Variants in RAG1 observed in about 807,000 individuals in gnomAD.
RAG1 encodes the protein V(D)J recombination-activating protein 1.
A neutral mutation model predicts 62.7 loss-of-function variants in RAG1; 35 were observed. That is an observed-to-expected ratio of 0.56 (90% confidence interval 0.43 to 0.74). The LOEUF is 0.74. Ranked by LOEUF, RAG1 falls within the 30% of genes least tolerant of loss-of-function variation. RAG1 has a pLI of 0.00. For missense variants in RAG1, 1,169 were observed against 1,278.6 expected, an observed-to-expected ratio of 0.91 and a Z score of 1.31; for synonymous variants, 461 against 470.3, an observed-to-expected ratio of 0.98 and a Z score of 0.26.
At chr11:36,529,158 C>T (rs912545629) in intron 2 of RAG1, among the ~76,000 whole-genome samples, 8 of 152,130 alleles carry the variant, frequency 5.3e-5, no homozygotes, top group African/African-American at 1.7e-4. Context: ...CAGCATCATC[C>T]TGATACCAAA....
chr11:36,576,368 C>T lies in RAG1; in HGVS notation c.3064C>T (p.Gln1022Ter). The T allele has an allele frequency of 1.2e-6, 2 of 1,614,074 alleles. No individual in the cohort carries two copies. Among genetic ancestry groups the T allele is most frequent in the Non-Finnish European group, 1.7e-6 (2 of 1,179,944 alleles). ...LKTSGFTMNP[Q>*]ASLGDPLGIE... ...AACCTCTGGGTTTACCATGAACCCT[C>T]AGGCAAGCTTAGGGGACCCATTAGG... The change falls in exon 2 of 2, where the codon CAG becomes TAG. Residue 1022 changes from glutamine to a stop codon, truncating the protein, a stop_gained. Coordinates refer to ENST00000299440, the MANE Select transcript of RAG1 (RefSeq NM_000448.3). LOFTEE classifies it high-confidence loss of function.
At position 36,574,192 on chromosome 11, in the gene RAG1, T is replaced by C; in HGVS notation, c.888T>C (p.Cys296=). The change falls in exon 2 of 2, where the codon TGT becomes TGC. Residue 296 remains cysteine, a synonymous_variant. Transcript: ENST00000299440. ...TGAAATCCATCTCCTGCCAGATCTGTGAACACATTCTGGCTGACCCTGTGG... is the reference window on the plus strand; with the variant it reads ...TGAAATCCATCTCCTGCCAGATCTGCGAACACATTCTGGCTGACCCTGTGG... ...HFVKSISCQI[C]EHILADPVET... is the part of the protein sequence containing the mutation. The C allele has an allele frequency of 6.2e-7, 1 of 1,614,210 alleles. No individual in the cohort carries two copies. The highest frequency in any genetic ancestry group is 8.5e-7 in the Non-Finnish European group (1 of 1,180,024).
chr11:36,530,741 T>C (rs1048882731), intron 2 of RAG1, among the ~76,000 whole-genome samples: 4 of 151,996 alleles, frequency 2.6e-5, no homozygotes, highest in Non-Finnish European at 5.9e-5. Flanking sequence ...TGGTTTTTCT[T>C]GATATATTTT....
chr11:36,550,234 C>T (rs1850463214), intron 3 of RAG1, among the ~76,000 whole-genome samples: 1 of 152,080 alleles, frequency 6.6e-6, no homozygotes, highest in African/African-American at 2.4e-5. Context: ...GGATGTCCTG[C>T]ACATGTATCC....
At chr11:36,562,480 G>C (rs149576629) in intron 3 of RAG1, among the ~76,000 whole-genome samples, 2 of 152,162 alleles carry the variant, frequency 1.3e-5, no homozygotes, top group Non-Finnish European at 2.9e-5. Context: ...GTTGCAAGAG[G>C]TGGGGCTAGA....
Position 36,532,310 on chromosome 11 carries a change from A to G in RAG1, n.429-3649A>G, listed in dbSNP as rs1440991442. On this transcript the variant is annotated intron_variant and non_coding_transcript_variant, in intron 2 of 2. Coordinates refer to the RAG1 transcript ENST00000529126. ...ATTCCAGTCTGTCTGGAATATTTTT[A>G]TGTGTTTTGTGGGAAGTATTATATG... 2.6e-5 allele frequency among the ~76,000 whole-genome samples: 4 copies of G among 152,126 alleles called. No homozygotes were observed. The East Asian group carries it at 7.7e-4, about 29-fold the overall frequency.
chr11:36,523,977 TC>T (rs1435118406), intron 2 of RAG1, among the ~76,000 whole-genome samples: 1 of 152,196 alleles, frequency 6.6e-6, no homozygotes, highest in Non-Finnish European at 1.5e-5. Flanking sequence ...TCCTCCTCTA[TC>T]CACCTTTAAA....
downstream of RAG1, among the ~76,000 whole-genome samples, chr11:36,540,444 A>G (rs6484863): frequency 0.98 from 148,978 of 152,192 alleles, 72,985 homozygotes; most frequent in Non-Finnish European, 1. Flanking sequence ...TCTCTCTGTC[A>G]TCCAGGCTGG....
chr11:36,520,960 C>CTTTT (rs36066366), intron 2 of RAG1, among the ~76,000 whole-genome samples: 1 of 133,670 alleles, frequency 7.5e-6, no homozygotes, highest in Non-Finnish European at 1.6e-5. Flanking sequence ...CAAATCTCAT[C>CTTTT]TTTTTTTTTT....
chr11:36,561,295 C>T lies in RAG1; in HGVS notation c.-411-2090C>T, dbSNP rs116426074. Among the ~76,000 whole-genome samples the T allele has an allele frequency of 9.5e-4, 144 of 152,270 alleles. 1 individual carries two copies. Among genetic ancestry groups the T allele is most frequent in the African/African-American group, 3.2e-3 (134 of 41,554 alleles). On this transcript the variant is annotated intron_variant and NMD_transcript_variant, in intron 3 of 9. Coordinates refer to the RAG1 transcript ENST00000534663. ...TAGGCAGATGGGTGAGCATGGTCTC[C>T]TACAACTTCCTTTTCCCTGGAATTC...
rs201528822 is a variant in RAG1 at position 36,546,610 on chromosome 11, C to A, written c.-412+10576C>A. ...TAATATTGTTATGTGTGAATTTGATCCTGTCATTTTGATGCTAGCTGGTTA... is the reference window on the plus strand; with the variant it reads ...TAATATTGTTATGTGTGAATTTGATACTGTCATTTTGATGCTAGCTGGTTA... On this transcript the variant is annotated intron_variant and NMD_transcript_variant, in intron 3 of 9. Transcript: ENST00000534663. Among the ~76,000 whole-genome samples the A allele has an allele frequency of 1.4e-4, 21 of 152,236 alleles. No individual in the cohort carries two copies. In the East Asian group the frequency reaches 3.1e-3, roughly 22 times the overall value.
At chr11:36,568,291 A>G (rs1343064068) in intron 1 of RAG1, among the ~76,000 whole-genome samples, 169 bp downstream of exon 1, 1 of 152,140 alleles carries the variant, frequency 6.6e-6, no homozygotes, top group African/African-American at 2.4e-5. Context: ...CAAGAGGCCA[A>G]GTTTAGGGCC....
chr11:36,539,057 C>T (rs868606311), downstream of RAG1, among the ~76,000 whole-genome samples: 5 of 152,156 alleles, frequency 3.3e-5, no homozygotes, highest in Non-Finnish European at 7.3e-5. Context: ...TTGTGTACCC[C>T]TCACATTTGT....
intron 2 of RAG1, among the ~76,000 whole-genome samples, chr11:36,534,770 T>C (rs1268193906): frequency 1.3e-5 from 2 of 152,206 alleles, no homozygotes; most frequent in Admixed American, 6.5e-5. Context: ...TTAAAATTTA[T>C]TTAATTTTTA....
chr11:36,511,517 A>AATAAATGGG (rs1859922410), intron 1 of RAG1, among the ~76,000 whole-genome samples: 2 of 152,210 alleles, frequency 1.3e-5, no homozygotes, highest in African/African-American at 2.4e-5. Context: ...AATAAATGTT[A>AATAAATGGG]CCAATACTAT....
Position 36,574,472 on chromosome 11 carries a change from A to G in RAG1, c.1168A>G (p.Asn390Asp). The change falls in exon 2 of 2, where the codon AAT becomes GAT. Residue 390 changes from asparagine to aspartate, a missense_variant. This residue lies in a region of RAG1 where 800 missense variants were observed against 943.3 expected (regional missense o/e 0.85). Transcript: ENST00000299440. ...ATCAAAAGAGATTTTTGTGCACATTAATAAAGGGGGCCGGCCCCGCCAACA... is the reference window on the plus strand; with the variant it reads ...ATCAAAAGAGATTTTTGTGCACATTGATAAAGGGGGCCGGCCCCGCCAACA... ...KESKEIFVHI[N>D]KGGRPRQHLL... 6.2e-7 allele frequency: 1 copy of G among 1,614,194 alleles called. No homozygotes were observed.
rs1850867558 is a variant in RAG1 at position 36,577,356 on chromosome 11, T to C, written c.*920T>C. 1 of 167,032 alleles carries C rather than the reference T, an allele frequency of 6.0e-6. No homozygotes were observed. The highest frequency in any genetic ancestry group is 6.5e-5 in the Admixed American group (1 of 15,282). The allele number at this position is 167,032 out of a possible 1,614,324, so 10.3% of individuals were successfully genotyped here. On this transcript the variant is annotated 3_prime_UTR_variant, in exon 2 of 2. Transcript: ENST00000299440. The stretch of plus-strand genomic sequence containing the variant: ...TAGGTTAGCTTGATGTCTAAAAATA[T>C]ATTTCATGTCTTACTGAAACATTTT...
At chr11:36,565,851 G>A (rs1590695707), upstream of RAG1, 2 of 152,292 alleles carry the variant, frequency 1.3e-5, no homozygotes, top group African/African-American at 4.8e-5. Flanking sequence ...GAAATTGGGA[G>A]GTGAAATTGG....
intron 1 of RAG1, among the ~76,000 whole-genome samples, chr11:36,519,846 A>G (rs1484749808): frequency 6.6e-6 from 1 of 152,240 alleles, no homozygotes; most frequent in Non-Finnish European, 1.5e-5. Flanking sequence ...TTAAAAAGAA[A>G]TTCAAATTCA....
Sources: gnomAD v4.1 joint callset for allele counts (sites outside exome capture counted in the v4.1 genomes callset) on GRCh38, gnomAD v4.1.1 for gene constraint, gnomAD v4.1.1 regional missense constraint, MANE v1.5 for transcripts, NCBI Gene and HGNC (gene_info 2026-07-23, HGNC 2026-07-21) for gene names.